The following NHSL1 variants were observed in gnomAD, a reference collection of about 807,000 sequenced individuals.
The protein encoded by NHSL1 is NHS like 1, also known as NHS-like protein 1.
A neutral mutation model predicts 95.0 loss-of-function variants in NHSL1; 48 were observed. That is an observed-to-expected ratio of 0.51 (90% CI 0.40 to 0.64). The LOEUF (loss-of-function observed/expected upper bound fraction) is 0.64. Ranked by LOEUF, NHSL1 falls within the 30% of genes least tolerant of loss-of-function variation. The pLI, the probability that NHSL1 is intolerant of heterozygous loss-of-function variation, is 0.00. For synonymous variants in NHSL1, 783 were observed against 833.9 expected, an observed-to-expected ratio of 0.94 and a Z score of 1.05; for missense variants, 1,971 against 2,077.7, an observed-to-expected ratio of 0.95 and a Z score of 1.00.
intron 1 of NHSL1, among the ~76,000 whole-genome samples, chr6:138,683,401 C>T (rs1205117327): frequency 6.6e-6 from 1 of 152,240 alleles, no homozygotes; most frequent in African/African-American, 2.4e-5. Flanking sequence ...CATGCTAACT[C>T]AGCCTTCAAT....
At chr6:138,485,529 T>C (rs1225749719) in intron 2 of NHSL1, among the ~76,000 whole-genome samples, 2 of 152,126 alleles carry the variant, frequency 1.3e-5, no homozygotes, top group Non-Finnish European at 2.9e-5. Flanking sequence ...TTGTTCATTT[T>C]TCCTTTGCTC....
At chr6:138,566,694 G>A (rs539272133) in intron 1 of NHSL1, among the ~76,000 whole-genome samples, 5 of 149,166 alleles carry the variant, frequency 3.4e-5, no homozygotes, top group Admixed American at 2.0e-4. Flanking sequence ...CATTTAAATC[G>A]AACTTCAACA....
rs575418942 is a variant in NHSL1, at chr6:138,467,354, G to C, written c.339+5952C>G. Among the ~76,000 whole-genome samples the C allele has an allele frequency of 3.4e-3, 522 of 152,064 alleles. 5 individuals carry two copies. Among genetic ancestry groups the C allele is most frequent in the African/African-American group, 0.012 (505 of 41,514 alleles). The stretch of plus-strand genomic sequence containing the variant: ...TTTTTAGTAGAGACGGGGTTTTGCC[G>C]TGTTAGCCAGGATGGTCTCGATCTC... On this transcript the variant is annotated intron_variant, in intron 3 of 7. Transcript: ENST00000343505.
chr6:138,456,282 T>C lies in NHSL1; in HGVS notation c.340-9089A>G, dbSNP rs1777606980. ...ACGAAAGCAACTTATCCAAGGCCAC[T>C]GAGCTCTGACAGGTGGAAAAGCTGC... On this transcript the variant is annotated intron_variant, in intron 3 of 7. Transcript: ENST00000343505. 2.0e-5 allele frequency among the ~76,000 whole-genome samples: 3 copies of C among 152,232 alleles called. No individual in the cohort carries two copies. The South Asian group carries it at 6.2e-4, about 32-fold the overall frequency.
chr6:138,671,237 A>G (rs903434486), intron 1 of NHSL1, among the ~76,000 whole-genome samples: 12 of 152,176 alleles, frequency 7.9e-5, no homozygotes, highest in African/African-American at 2.7e-4. Flanking sequence ...CGGGCAGATC[A>G]CTTAAGGTCA....
chr6:138,650,240 T>A, intron 1 of NHSL1: 1 of 637,792 alleles, frequency 1.6e-6, no homozygotes, highest in Non-Finnish European at 3.0e-6. Context: ...TGAAAGATGA[T>A]CCTGATGACA....
intron 1 of NHSL1, among the ~76,000 whole-genome samples, chr6:138,600,069 A>G (rs1784352228): frequency 6.6e-6 from 1 of 152,074 alleles, no homozygotes; most frequent in African/African-American, 2.4e-5. Flanking sequence ...GCTTGAATCC[A>G]GGAGGCAGAG....
Position 138,432,053 on chromosome 6 carries a change from T to A in NHSL1, c.2292A>T (p.Pro764=). 6.4e-7 allele frequency: 1 copy of A among 1,551,740 alleles called. No individual in the cohort carries two copies. Among genetic ancestry groups the A allele is most frequent in the Non-Finnish European group, 8.7e-7 (1 of 1,146,994 alleles). Residue 764 remains proline (P), a synonymous_variant, in exon 6 of 8, where the codon CCA becomes CCT. Transcript: ENST00000343505. The surrounding 1 kb of genome is among the most constrained non-coding windows in gnomAD (Gnocchi z 4.4). The part of the protein sequence containing the change: ...PNVYSLCGAT[P]SQSDTSSVKS... ...TGACGCTGCTTGTGTCACTCTGCGA[T>A]GGCGTGGCCCCGCACAGGGAGTAGA...
chr6:138,507,005 T>C (rs1329416429), intron 1 of NHSL1, among the ~76,000 whole-genome samples: 1 of 152,246 alleles, frequency 6.6e-6, no homozygotes, highest in Non-Finnish European at 1.5e-5. Flanking sequence ...TCCGGCATTT[T>C]TCTTACAGAT....
intron 1 of NHSL1, among the ~76,000 whole-genome samples, chr6:138,527,184 G>C (rs905981786): frequency 6.6e-5 from 10 of 152,034 alleles, no homozygotes; most frequent in African/African-American, 1.7e-4. Flanking sequence ...AGCGCTGGGA[G>C]GCTGCATTGG....
intron 1 of NHSL1, among the ~76,000 whole-genome samples, chr6:138,527,203 C>T (rs766661881): frequency 6.6e-6 from 1 of 151,308 alleles, no homozygotes; most frequent in Non-Finnish European, 1.5e-5. Context: ...GGATTTTGTG[C>T]AGATGAGGAT....
Position 138,424,718 on chromosome 6 carries a change from C to T in NHSL1, c.4184G>A (p.Ser1395Asn). 1 of 1,551,580 alleles carries T rather than the reference C, an allele frequency of 6.4e-7. No individual in the cohort carries two copies. Among genetic ancestry groups the T allele is most frequent in the Non-Finnish European group, 8.7e-7 (1 of 1,146,970 alleles). ...PPVTPTGAAP[S>N]LASPKQVGSI... ...CCCCACTTGCTTTGGAGAGGCCAGG[C>T]TTGGGGCAGCGCCGGTGGGTGTCAC... The change falls in exon 8 of 8, where the codon AGC becomes AAC. Residue 1395 changes from serine to asparagine, a missense_variant. Physicochemically the swap from Ser to Asn is conservative, Grantham distance 46. Around this residue, in one of 3 missense-constraint regions of NHSL1, gnomAD observed 146 missense variants for 206.3 expected, o/e 0.71. Coordinates refer to ENST00000343505, the MANE Select transcript of NHSL1 (RefSeq NM_001144060.2). The surrounding 1 kb of genome is among the most constrained non-coding windows in gnomAD (Gnocchi z 5.9).
rs1296643612 is a variant in NHSL1, at chr6:138,424,218, C to T, written c.4684G>A (p.Glu1562Lys). 3.1e-5 allele frequency: 47 copies of T among 1,504,948 alleles called. No individual in the cohort carries two copies. Among genetic ancestry groups the T allele is most frequent in the Non-Finnish European group, 4.1e-5 (46 of 1,128,736 alleles). The allele number at this position is 1,504,948 out of a possible 1,614,324, so 93.2% of individuals were successfully genotyped here. Reference sequence around the variant, plus strand: ...CCCTCCCCACAGAGCAGGCCGCCCTCGTCCATCTCCTCCCTCGCCAGTCCG... The same window carrying T: ...CCCTCCCCACAGAGCAGGCCGCCCTTGTCCATCTCCTCCCTCGCCAGTCCG... ...LDGLAREEMD[E>K]GGLLCGEGPA... is the part of the protein sequence containing the mutation. The change falls in exon 8 of 8, where the codon GAG (glutamate) becomes AAG (lysine). Residue 1562 changes from glutamate (E) to lysine (K), a missense_variant. Glu to Lys is a moderately conservative substitution (Grantham distance 56, BLOSUM62 1). Transcript: ENST00000343505. The surrounding 1 kb of genome is among the most constrained non-coding windows in gnomAD (Gnocchi z 5.9).
intron 3 of NHSL1, among the ~76,000 whole-genome samples, chr6:138,455,006 T>C (rs1217547313): frequency 1.3e-5 from 2 of 152,168 alleles, no homozygotes; most frequent in Non-Finnish European, 2.9e-5. Flanking sequence ...AGTAGTGGGA[T>C]GGAAACAGCA....
intron 1 of NHSL1, among the ~76,000 whole-genome samples, chr6:138,606,912 C>T (rs888010382): frequency 6.6e-6 from 1 of 151,878 alleles, no homozygotes; most frequent in Non-Finnish European, 1.5e-5. Flanking sequence ...ACCATGTTAG[C>T]CAGGATGGTC....
chr6:138,425,546 T>A (rs74335694), intron 7 of NHSL1, among the ~76,000 whole-genome samples: 406 of 152,212 alleles, frequency 2.7e-3, no homozygotes, highest in Non-Finnish European at 3.7e-3. Context: ...TTGAAACAAA[T>A]CTTAGACACT....
chr6:138,642,961 C>T (rs1312857702), intron 1 of NHSL1, among the ~76,000 whole-genome samples: 1 of 152,130 alleles, frequency 6.6e-6, no homozygotes, highest in Non-Finnish European at 1.5e-5. Context: ...CATAAACGTC[C>T]TCATCAAACA....
chr6:138,539,501 T>C (rs1481624065), intron 1 of NHSL1, among the ~76,000 whole-genome samples: 6 of 152,096 alleles, frequency 3.9e-5, no homozygotes, highest in Non-Finnish European at 7.4e-5. Flanking sequence ...TCCTTGTAAC[T>C]AGAAGGAGTT....
In NHSL1 at chr6:138,630,332, G is replaced by GT. The variant is rs111771403; in HGVS notation, c.96+62143dup. Among the ~76,000 whole-genome samples the GT allele has an allele frequency of 2.8e-3, 426 of 152,130 alleles. 4 individuals are homozygous for GT. The highest frequency in any genetic ancestry group is 9.7e-3 in the African/African-American group (402 of 41,482). ...ACCCTTGGATGAATATCTAAATGTG[G>GT]TTTTTTTCAATATGCTTTAAAGGAA... On this transcript the variant is annotated intron_variant, in intron 1 of 3. Transcript: ENST00000491526.
Sources: gnomAD v4.1 joint callset for allele counts (sites outside exome capture counted in the v4.1 genomes callset) on GRCh38, gnomAD v4.1.1 for gene constraint, gnomAD v4.1.1 regional missense constraint, Gnocchi (gnomAD v3.1) non-coding constraint, MANE v1.5 for transcripts, NCBI Gene and HGNC (gene_info 2026-07-23, HGNC 2026-07-21) for gene names.